EFR3A: variants seen among roughly 807,000 people sequenced by gnomAD.
EFR3A encodes the protein protein EFR3 homolog A.
A neutral mutation model predicts 104.4 loss-of-function variants in EFR3A; 76 were observed. That is an observed-to-expected ratio of 0.73 (90% confidence interval 0.60 to 0.88). The LOEUF is 0.88. EFR3A is among the 40% of genes least tolerant of loss of function. The pLI is 0.00. For synonymous variants in EFR3A, 330 were observed against 330.0 expected (o/e 1.00, Z 0.00); for missense variants, 985 against 1,012.5 (o/e 0.97, Z 0.37).
At chr8:131,963,076 A>G (rs1819483307) in intron 8 of EFR3A, among the ~76,000 whole-genome samples, 1 of 152,218 alleles carries the variant, frequency 6.6e-6, no homozygotes, top group African/African-American at 2.4e-5. Context: ...AGCTGTGTGT[A>G]GAGGGAAATT....
intron 18 of EFR3A, among the ~76,000 whole-genome samples, chr8:131,995,867 C>T (rs1821453608): frequency 6.6e-6 from 1 of 152,076 alleles, no homozygotes. Context: ...ACTGAATGGA[C>T]AATGCTGGAG....
Position 132,001,791 on chromosome 8 carries a change from A to G in EFR3A, c.2190A>G (p.Ala730=). 6.2e-7 allele frequency: 1 copy of G among 1,613,422 alleles called. No individual in the cohort carries two copies. The highest frequency in any genetic ancestry group is 8.5e-7 in the Non-Finnish European group (1 of 1,179,510). The change falls in exon 20 of 23, where the codon GCA becomes GCG. Residue 730 remains alanine (A), a synonymous_variant. Coordinates refer to ENST00000254624, the MANE Select transcript of EFR3A (RefSeq NM_015137.6). ...ACACTGAAGAAATCACTTTTGAAGC[A>G]TTGAAGAAAGCAATTGGTGAGATAT... ...VSNTEEITFE[A]LKKAIDTSGM...
intron 5 of EFR3A, among the ~76,000 whole-genome samples, chr8:131,951,853 T>A (rs1818719899): frequency 2.0e-5 from 3 of 152,088 alleles, no homozygotes; most frequent in African/African-American, 7.2e-5. Flanking sequence ...AAATACTTAG[T>A]TTGATTATTT....
intron 8 of EFR3A, among the ~76,000 whole-genome samples, chr8:131,962,789 C>T (rs1291139893): frequency 6.6e-6 from 1 of 152,196 alleles, no homozygotes; most frequent in African/African-American, 2.4e-5. Flanking sequence ...CCACACCACA[C>T]TTATTCCAAA....
intron 8 of EFR3A, among the ~76,000 whole-genome samples, chr8:131,965,620 A>T (rs1477918107): frequency 1.3e-5 from 2 of 152,214 alleles, no homozygotes; most frequent in African/African-American, 2.4e-5. Context: ...GTGGGACTGT[A>T]AACTAGTTCA....
At chr8:131,930,481 A>C (rs1300972561) in intron 1 of EFR3A, among the ~76,000 whole-genome samples, 1 of 110,644 alleles carries the variant, frequency 9.0e-6, no homozygotes, top group African/African-American at 2.9e-5. Flanking sequence ...CAATCTTAAG[A>C]GAAATTTCAA....
At chr8:131,949,685 G>A (rs755557559) in intron 4 of EFR3A, among the ~76,000 whole-genome samples, 4 of 151,646 alleles carry the variant, frequency 2.6e-5, no homozygotes, top group Admixed American at 6.6e-5. Context: ...TTGGTGGTGC[G>A]TGCCTGTAGT....
chr8:132,000,603 C>T (rs2130801358), intron 19 of EFR3A, among the ~76,000 whole-genome samples: 1 of 152,284 alleles, frequency 6.6e-6, no homozygotes, highest in African/African-American at 2.4e-5. Context: ...TAACTTCTCC[C>T]ATGTTCTTTT....
intron 2 of EFR3A, among the ~76,000 whole-genome samples, chr8:131,941,291 C>T (rs187483223): frequency 1.2e-3 from 178 of 151,924 alleles, no homozygotes; most frequent in African/African-American, 4.2e-3. Context: ...TTTCACATTG[C>T]CTCAACCTTT....
chr8:131,917,470 G>C (rs775474120), intron 1 of EFR3A, among the ~76,000 whole-genome samples: 1 of 152,206 alleles, frequency 6.6e-6, no homozygotes, highest in African/African-American at 2.4e-5. Context: ...AAAGTATTTT[G>C]TACAGTGGTT....
Position 131,979,405 on chromosome 8 carries a change from C to A in EFR3A, c.1559C>A (p.Thr520Lys). The change falls in exon 14 of 23, where the codon ACA (threonine) becomes AAA (lysine). Residue 520 changes from threonine (T) to lysine (K), a missense_variant. Transcript: ENST00000254624. ...AGAGAAAAAATTTGCAGACAAGACA[C>A]AAGTTTCATGAAAAAGGTAAGACAT... ...IKREKICRQD[T>K]SFMKKNGQQL... The A allele has an allele frequency of 1.3e-6, 2 of 1,561,446 alleles. No homozygotes were observed. Among genetic ancestry groups the A allele is most frequent in the Non-Finnish European group, 1.7e-6 (2 of 1,150,884 alleles).
At chr8:131,985,097 G>A in intron 16 of EFR3A, 37 bp downstream of exon 16, 2 of 1,564,520 alleles carry the variant, frequency 1.3e-6, no homozygotes. Context: ...CTTGAATTTT[G>A]TACAAAATTG....
At chr8:131,997,796 G>A (rs1417316256) in intron 19 of EFR3A, among the ~76,000 whole-genome samples, 1 of 151,880 alleles carries the variant, frequency 6.6e-6, no homozygotes, top group Non-Finnish European at 1.5e-5. Context: ...GTTATTGACT[G>A]GTATTTTCAC....
At chr8:131,957,577 C>T (rs936274081) in intron 7 of EFR3A, among the ~76,000 whole-genome samples, 7 of 151,962 alleles carry the variant, frequency 4.6e-5, no homozygotes, top group Non-Finnish European at 7.4e-5. Context: ...CTCGAGCTCC[C>T]AACCTCAGGT....
intron 22 of EFR3A, 59 bp from the exon 23 acceptor site, chr8:132,010,731 C>CGGT: frequency 6.4e-7 from 1 of 1,566,852 alleles, no homozygotes; most frequent in East Asian, 2.3e-5. Flanking sequence ...ATAGAATACT[C>CGGT]GGTGAAATGA....
In EFR3A at chr8:131,955,783, T is replaced by C. The variant is rs760926576; in HGVS notation, c.654T>C (p.Pro218=). ...TCCTTTTTAGTCGCATAGGCCCTCC[T>C]TCTTCTCCTTCTGCAACTGACAAAG... is the stretch of plus-strand genomic sequence containing the variant. The part of the protein sequence containing the change: ...IEEVDSRIGP[P]SSPSATDKEE... The change falls in exon 7 of 23, where the codon CCT becomes CCC. Residue 218 remains proline, a synonymous_variant. Transcript: ENST00000254624. 1 of 1,612,870 alleles carries C rather than the reference T, an allele frequency of 6.2e-7. No individual in the cohort carries two copies.
At chr8:131,987,458 T>C in intron 17 of EFR3A, 117 bp from the exon 18 acceptor site, 1 of 1,172,872 alleles carries the variant, frequency 8.5e-7, no homozygotes, top group Non-Finnish European at 1.2e-6. Context: ...CTACTACAGT[T>C]TACATTGTGT....
intron 19 of EFR3A, among the ~76,000 whole-genome samples, chr8:132,001,244 T>C (rs1821766628): frequency 1.3e-5 from 2 of 152,254 alleles, no homozygotes; most frequent in Admixed American, 1.3e-4. Flanking sequence ...AAAGTAGTGG[T>C]TCTAACTTTT....
intron 22 of EFR3A, among the ~76,000 whole-genome samples, chr8:132,004,165 A>C (rs1046183440): frequency 1.3e-5 from 2 of 152,018 alleles, no homozygotes; most frequent in Non-Finnish European, 2.9e-5. Flanking sequence ...TTCCTGCTAT[A>C]CTCTCTTAAG....
Sources: gnomAD v4.1 joint callset for allele counts (sites outside exome capture counted in the v4.1 genomes callset) on GRCh38, gnomAD v4.1.1 for gene constraint, MANE v1.5 for transcripts, NCBI Gene and HGNC (gene_info 2026-07-23, HGNC 2026-07-21) for gene names.